The following CIB3 variants were observed in gnomAD, a reference collection of about 807,000 sequenced individuals.
CIB3 encodes calcium and integrin binding family member 3, also known as calcium and integrin-binding family member 3.
In CIB3, 22 loss-of-function variants were observed where a neutral mutation model predicts 23.4. That is an observed-to-expected ratio of 0.94 (90% CI 0.67 to 1.34). CIB3 has a LOEUF of 1.34. Among genes scored for constraint, CIB3 ranks in the 40% most tolerant of loss-of-function variants. The probability of loss-of-function intolerance (pLI) is 0.00; values close to 1 mark genes in which losing one functional copy is unlikely to be tolerated. For synonymous variants in CIB3, 93 were observed against 95.8 expected (o/e 0.97, Z 0.17); for missense variants, 258 against 247.3 (o/e 1.04, Z -0.29).
intron 4 of CIB3, among the ~76,000 whole-genome samples, chr19:16,166,533 T>G (rs1206353852): frequency 6.6e-6 from 1 of 152,226 alleles, no homozygotes; most frequent in Non-Finnish European, 1.5e-5. Context: ...AACTGCTTAC[T>G]GTGCACCAGG....
chr19:16,164,829 T>C lies in CIB3; in HGVS notation c.431A>G (p.Glu144Gly), dbSNP rs200855213. Residue 144 changes from glutamate to glycine, a missense_variant, in exon 5 of 6, where the codon GAG becomes GGG. Coordinates refer to ENST00000269878, the MANE Select transcript of CIB3 (RefSeq NM_054113.4). ...KLTRGGLSAEEVSLVCEKVLD... is the reference protein window; with the variant it reads ...KLTRGGLSAEGVSLVCEKVLD... ...CACCTTCTCACATACCAGGCTCACC[T>C]CCTCGGCACTCAGCCCCCCCCGCGT... 18 of 1,613,884 alleles carry C rather than the reference T, an allele frequency of 1.1e-5. No homozygotes were observed. The Admixed American group carries it at 3.0e-4, about 27-fold the overall frequency.
chr19:16,173,483 A>G lies in CIB3; in HGVS notation c.-8T>C. 1.2e-6 allele frequency: 2 copies of G among 1,613,730 alleles called. No homozygotes were observed. The highest frequency in any genetic ancestry group is 2.2e-5 in the South Asian group (2 of 91,074). ...TGTCTGCTTGTTGCCCATGGTGTGA[A>G]CCACAGCCCAGACTTGGGGATGCAC... On this transcript the variant is annotated 5_prime_UTR_variant, in exon 1 of 6. Coordinates refer to ENST00000269878, the MANE Select transcript of CIB3 (RefSeq NM_054113.4).
At chr19:16,165,527 T>G (rs1482913928) in intron 4 of CIB3, among the ~76,000 whole-genome samples, 1 of 151,336 alleles carries the variant, frequency 6.6e-6, no homozygotes, top group Non-Finnish European at 1.5e-5. Flanking sequence ...CACTGCAACC[T>G]CCACCTCCTG....
chr19:16,172,074 C>T (rs1740441487), intron 2 of CIB3, among the ~76,000 whole-genome samples: 1 of 152,254 alleles, frequency 6.6e-6, no homozygotes, highest in African/African-American at 2.4e-5. Context: ...CATCTTAATG[C>T]CAAGCCCACA....
chr19:16,170,570 C>T (rs1352006555), intron 2 of CIB3, among the ~76,000 whole-genome samples: 3 of 152,214 alleles, frequency 2.0e-5, no homozygotes, highest in African/African-American at 7.2e-5. Context: ...CCTGTAATCC[C>T]AGTACTTTGG....
At chr19:16,170,131 A>G (rs1377893741) in intron 2 of CIB3, among the ~76,000 whole-genome samples, 1 of 152,066 alleles carries the variant, frequency 6.6e-6, no homozygotes, top group Non-Finnish European at 1.5e-5. Flanking sequence ...ACAGCTGCTC[A>G]CTGCACACTG....
intron 2 of CIB3, among the ~76,000 whole-genome samples, chr19:16,170,988 T>A (rs1049746966): frequency 4.6e-4 from 70 of 151,142 alleles, no homozygotes; most frequent in African/African-American, 1.7e-3. Context: ...AATATAAAAA[T>A]TTAGCCAGGC....
At chr19:16,163,907 G>C (rs2091295083) in intron 5 of CIB3, among the ~76,000 whole-genome samples, 1 of 152,140 alleles carries the variant, frequency 6.6e-6, no homozygotes, top group Non-Finnish European at 1.5e-5. Flanking sequence ...ACACAGAAAA[G>C]TGAATTTCGT....
intron 2 of CIB3, among the ~76,000 whole-genome samples, 196 bp from the exon 3 acceptor site, chr19:16,169,937 T>C (rs1177058409): frequency 1.3e-5 from 2 of 152,150 alleles, no homozygotes; most frequent in African/African-American, 4.8e-5. Flanking sequence ...GTAGCTGGGA[T>C]TACAGGCACA....
intron 2 of CIB3, among the ~76,000 whole-genome samples, chr19:16,171,160 A>AT (rs1350156604): frequency 3.9e-5 from 6 of 152,024 alleles, no homozygotes; most frequent in African/African-American, 1.2e-4. Flanking sequence ...AAATAAATAA[A>AT]AAATAAAAAA....
chr19:16,164,175 A>T (rs1015792145), intron 5 of CIB3, among the ~76,000 whole-genome samples: 1 of 152,026 alleles, frequency 6.6e-6, no homozygotes, highest in African/African-American at 2.4e-5. Context: ...GACTCTCCTT[A>T]TGTTCCCCAG....
intron 4 of CIB3, among the ~76,000 whole-genome samples, chr19:16,165,948 G>A (rs537369012): frequency 6.6e-6 from 1 of 152,252 alleles, no homozygotes; most frequent in Non-Finnish European, 1.5e-5. Context: ...TTTATTGAGT[G>A]CCTACTGTGT....
At chr19:16,166,541 A>C (rs1341989090) in intron 4 of CIB3, among the ~76,000 whole-genome samples, 2 of 152,184 alleles carry the variant, frequency 1.3e-5, no homozygotes, top group African/African-American at 2.4e-5. Flanking sequence ...ACTGTGCACC[A>C]GGCACTGTAA....
chr19:16,166,729 T>C (rs1568337351), intron 4 of CIB3, among the ~76,000 whole-genome samples: 1 of 152,232 alleles, frequency 6.6e-6, no homozygotes, highest in Admixed American at 6.6e-5. Context: ...AAGTATTTAT[T>C]GAGCACCTAC....
chr19:16,168,031 G>A, intron 4 of CIB3, 106 bp downstream of exon 4: 2 of 1,413,980 alleles, frequency 1.4e-6, no homozygotes, highest in South Asian at 1.4e-5. Flanking sequence ...GGGCCACATA[G>A]GGCCTCAAAA....
chr19:16,170,871 G>A (rs1189148278), intron 2 of CIB3, among the ~76,000 whole-genome samples: 1 of 151,318 alleles, frequency 6.6e-6, no homozygotes, highest in Non-Finnish European at 1.5e-5. Flanking sequence ...GGGCGCGGTG[G>A]CTCACGCCTG....
rs2091284556 is a variant in CIB3 at position 16,161,483 on chromosome 19, G to A, written c.546C>T (p.Thr182=). Residue 182 remains threonine, a synonymous_variant, in exon 6 of 6, where the codon ACC becomes ACT. Transcript: ENST00000269878. The part of the protein sequence containing the change: ...MILRAPDFLS[T]FHIRI Reference sequence around the variant, plus strand: ...GGTGCCATCAGATTCGGATGTGGAAGGTGCTGTGTGCAGAGAGAAAAGGAG... The same window carrying A: ...GGTGCCATCAGATTCGGATGTGGAAAGTGCTGTGTGCAGAGAGAAAAGGAG... 1 of 1,613,968 alleles carries A rather than the reference G, an allele frequency of 6.2e-7. No homozygotes were observed. The highest frequency in any genetic ancestry group is 1.3e-5 in the African/African-American group (1 of 75,002).
chr19:16,164,805 A>G lies in CIB3; in HGVS notation c.455T>C (p.Val152Ala), dbSNP rs2145078156. 6.2e-7 allele frequency: 1 copy of G among 1,613,852 alleles called. No individual in the cohort carries two copies. Among genetic ancestry groups the G allele is most frequent in the South Asian group, 1.1e-5 (1 of 91,066 alleles). The change falls in exon 5 of 6, where the codon GTG becomes GCG. Residue 152 changes from valine to alanine, a missense_variant. Coordinates refer to ENST00000269878, the MANE Select transcript of CIB3 (RefSeq NM_054113.4). ...ATGGTCTCCATCAGCCTCATCCAGCACCTTCTCACATACCAGGCTCACCTC... is the reference window on the plus strand; with the variant it reads ...ATGGTCTCCATCAGCCTCATCCAGCGCCTTCTCACATACCAGGCTCACCTC... Reference protein sequence around the residue: ...AEEVSLVCEKVLDEADGDHDG... With the variant: ...AEEVSLVCEKALDEADGDHDG...
In CIB3 at chr19:16,173,375, C is replaced by T. The variant is rs751767; in HGVS notation, c.51+50G>A. The T allele has an allele frequency of 3.1e-3, 4,952 of 1,588,034 alleles. 130 individuals are homozygous for T. The African/African-American group carries it at 0.058, about 19-fold the overall frequency. ...CATTCTGTTCCCATTTCCCAGACCA[C>T]GGAACCAAAGTTGTCAAACCCACTG... On this transcript the variant is annotated intron_variant, in intron 1 of 5. Coordinates refer to ENST00000269878, the MANE Select transcript of CIB3 (RefSeq NM_054113.4).
Sources: gnomAD v4.1 joint callset for allele counts (sites outside exome capture counted in the v4.1 genomes callset) on GRCh38, gnomAD v4.1.1 for gene constraint, MANE v1.5 for transcripts, NCBI Gene and HGNC (gene_info 2026-07-23, HGNC 2026-07-21) for gene names.